Variants in SPATA13 observed in about 807,000 individuals in gnomAD.
The protein encoded by SPATA13 is spermatogenesis-associated protein 13.
A neutral mutation model predicts 104.0 loss-of-function variants in SPATA13; 50 were observed. The ratio of observed to expected loss-of-function variants is 0.48; its 90% confidence interval spans 0.38 to 0.61. The LOEUF (loss-of-function observed/expected upper bound fraction) is 0.61, where lower values mean the gene tolerates loss of function less well. SPATA13 is among the 20% of genes least tolerant of loss of function. The probability of loss-of-function intolerance (pLI) is 0.00; values close to 1 mark genes in which losing one functional copy is unlikely to be tolerated. For missense variants in SPATA13, 1,524 were observed against 1,690.6 expected (o/e 0.90, Z 1.73); for synonymous variants, 606 against 667.5 (o/e 0.91, Z 1.42).
intron 3 of SPATA13, among the ~76,000 whole-genome samples, chr13:24,026,407 G>A (rs1877217751): frequency 6.6e-6 from 1 of 152,174 alleles, no homozygotes; most frequent in Non-Finnish European, 1.5e-5. Context: ...ATCCTCTCTT[G>A]TGTTCCAGAT....
intron 1 of SPATA13, among the ~76,000 whole-genome samples, chr13:23,980,601 T>G (rs192586986): frequency 2.6e-5 from 4 of 152,346 alleles, no homozygotes; most frequent in African/African-American, 7.2e-5. Flanking sequence ...TTTGTTTTGT[T>G]TTGTTCGTTT....
At chr13:24,082,503 A>G (rs748131890) in intron 3 of SPATA13, among the ~76,000 whole-genome samples, 3 of 152,170 alleles carry the variant, frequency 2.0e-5, no homozygotes, top group African/African-American at 7.2e-5. Flanking sequence ...GGCCTTTTCT[A>G]TACTCAACTA....
chr13:24,249,955 C>A (rs1440262644), intron 3 of SPATA13, 113 bp downstream of exon 3: 5 of 1,391,994 alleles, frequency 3.6e-6, no homozygotes. Context: ...TCAAGGGCGG[C>A]ACCATGTACT....
chr13:24,178,046 G>T (rs940651785), intron 1 of SPATA13, among the ~76,000 whole-genome samples: 1 of 151,322 alleles, frequency 6.6e-6, no homozygotes, highest in Non-Finnish European at 1.5e-5. Flanking sequence ...TAGAGATGGG[G>T]TCTTATCATC....
At chr13:24,171,779 GTT>G (rs563907561) in intron 1 of SPATA13, among the ~76,000 whole-genome samples, 90 of 152,300 alleles carry the variant, frequency 5.9e-4, no homozygotes, top group South Asian at 2.1e-3. Flanking sequence ...GCATAGATGA[GTT>G]TCCTCAGCTG....
intron 3 of SPATA13, among the ~76,000 whole-genome samples, chr13:24,061,482 G>T (rs1240726203): frequency 1.3e-5 from 2 of 152,034 alleles, no homozygotes; most frequent in Non-Finnish European, 2.9e-5. Context: ...GCCCATCCAT[G>T]GTAGACTGGA....
chr13:24,298,948 C>T (rs1593517348), intron 11 of SPATA13, among the ~76,000 whole-genome samples: 2 of 152,132 alleles, frequency 1.3e-5, no homozygotes, highest in East Asian at 1.9e-4. Context: ...CACAGGCAGC[C>T]CCTTACACCA....
At chr13:24,026,678 C>T (rs551805425) in intron 3 of SPATA13, among the ~76,000 whole-genome samples, 17 of 152,068 alleles carry the variant, frequency 1.1e-4, no homozygotes, top group African/African-American at 3.6e-4. Flanking sequence ...CCCGGGTTCA[C>T]GCCATTCTTC....
chr13:24,133,661 G>A (rs1881458740), intron 3 of SPATA13, among the ~76,000 whole-genome samples: 2 of 152,306 alleles, frequency 1.3e-5, no homozygotes, highest in South Asian at 4.1e-4. Context: ...GCAGCACAGG[G>A]AGGCCCAGCT....
chr13:24,282,224 G>T (rs540553587), intron 4 of SPATA13, among the ~76,000 whole-genome samples: 216 of 152,234 alleles, frequency 1.4e-3, no homozygotes, highest in Middle Eastern at 0.014. Flanking sequence ...CATGGCCAGT[G>T]CAGGTAAGAT....
At chr13:24,104,184 A>G (rs1880359684) in intron 3 of SPATA13, among the ~76,000 whole-genome samples, 1 of 152,092 alleles carries the variant, frequency 6.6e-6, no homozygotes, top group South Asian at 2.1e-4. Flanking sequence ...CAGTAAGGAA[A>G]GGTCACGGTG....
chr13:24,123,440 C>A, intron 3 of SPATA13: 1 of 1,454,616 alleles, frequency 6.9e-7, no homozygotes, highest in East Asian at 2.3e-5. Flanking sequence ...ACATGCATTC[C>A]ATCTGATCGT....
intron 1 of SPATA13, among the ~76,000 whole-genome samples, chr13:24,177,170 G>C (rs1410546047): frequency 6.6e-6 from 1 of 152,292 alleles, no homozygotes; most frequent in East Asian, 1.9e-4. Flanking sequence ...ATTAATCAAA[G>C]AATAGTGGAC....
intron 2 of SPATA13, among the ~76,000 whole-genome samples, chr13:24,007,694 C>T (rs996622124): frequency 5.9e-5 from 9 of 152,200 alleles, no homozygotes; most frequent in Admixed American, 1.3e-4. Flanking sequence ...TCTTGAACTT[C>T]TGGTCTCAAG....
intron 8 of SPATA13, 24 bp from the exon 9 acceptor site, chr13:24,290,628 C>A: frequency 1.3e-6 from 2 of 1,595,870 alleles, no homozygotes; most frequent in Non-Finnish European, 1.7e-6. Flanking sequence ...CAGAAGCTGA[C>A]GAAGCTGTAC....
chr13:24,123,419 A>G (rs1256769188), intron 3 of SPATA13: 4 of 1,356,148 alleles, frequency 2.9e-6, no homozygotes, highest in Non-Finnish European at 4.2e-6. Flanking sequence ...GGGGGAGTAC[A>G]TGATTCTGCA....
upstream of SPATA13, among the ~76,000 whole-genome samples, chr13:24,158,068 A>C (rs1882316216): frequency 6.6e-6 from 1 of 152,242 alleles, no homozygotes; most frequent in Non-Finnish European, 1.5e-5. Flanking sequence ...ACAACAAAAA[A>C]AGCGCGTTAG....
At chr13:24,035,981 T>TC (rs1263653397) in intron 3 of SPATA13, among the ~76,000 whole-genome samples, 3 of 138,636 alleles carry the variant, frequency 2.2e-5, no homozygotes, top group Non-Finnish European at 3.0e-5. Flanking sequence ...GCCACTGCAC[T>TC]CCATCCTGGG....
chr13:24,235,794 A>C (rs1872534830), intron 2 of SPATA13, among the ~76,000 whole-genome samples: 1 of 152,258 alleles, frequency 6.6e-6, no homozygotes, highest in Non-Finnish European at 1.5e-5. Flanking sequence ...TATGTTGAGC[A>C]GTGTAAGTCT....
Sources: gnomAD v4.1 joint callset for allele counts (sites outside exome capture counted in the v4.1 genomes callset) on GRCh38, gnomAD v4.1.1 for gene constraint, MANE v1.5 for transcripts, NCBI Gene and HGNC (gene_info 2026-07-23, HGNC 2026-07-21) for gene names.